Variants in GRIK4 observed in about 807,000 individuals in gnomAD.
The protein encoded by GRIK4 is glutamate ionotropic receptor kainate type subunit 4, also known as glutamate receptor ionotropic, kainate 4.
In GRIK4, 40 loss-of-function variants were observed where a neutral mutation model predicts 104.9. The observed-to-expected ratio is 0.38, with a 90% CI of 0.30 to 0.50. GRIK4 has a LOEUF of 0.50. Among genes scored for constraint, GRIK4 ranks in the 20% least tolerant of loss-of-function variants. GRIK4 has a pLI of 0.93. For synonymous variants in GRIK4, 485 were observed against 524.9 expected (o/e 0.92, Z 1.04); for missense variants, 1,047 against 1,308.1 (o/e 0.80, Z 3.08).
chr11:120,975,078 G>A (rs1944539017), intron 19 of GRIK4, among the ~76,000 whole-genome samples: 1 of 152,076 alleles, frequency 6.6e-6, no homozygotes, highest in Non-Finnish European at 1.5e-5. Context: ...TCACAATGAG[G>A]CTTCAAAGGA....
Position 120,967,447 on chromosome 11 carries a change from C to G in GRIK4, c.2395+124C>G. The G allele has an allele frequency of 9.7e-7, 1 of 1,035,998 alleles. No homozygotes were observed. The highest frequency in any genetic ancestry group is 1.4e-6 in the Non-Finnish European group (1 of 731,636). The allele number at this position is 1,035,998 out of a possible 1,614,324, so 64.2% of individuals were successfully genotyped here. ...CATTGAGAACGGCCTTGGAAGGAAC[C>G]TAGGTATAAAGTGGGCTGGCGGGGG... On this transcript the variant is annotated intron_variant, in intron 19 of 20. Coordinates refer to ENST00000527524, the MANE Select transcript of GRIK4 (RefSeq NM_014619.5). This position sits in a 1 kb window ranked among gnomAD's most constrained non-coding sequence, Gnocchi z 4.2.
intron 3 of GRIK4, among the ~76,000 whole-genome samples, chr11:120,779,760 C>G (rs1198228416): frequency 1.3e-5 from 2 of 152,242 alleles, no homozygotes; most frequent in African/African-American, 2.4e-5. Flanking sequence ...GCTTCTCACT[C>G]TCTCCTTGCC....
chr11:120,787,528 G>A (rs1952306135), intron 3 of GRIK4, among the ~76,000 whole-genome samples: 2 of 151,408 alleles, frequency 1.3e-5, no homozygotes, highest in South Asian at 4.2e-4. Context: ...GCAGTGGCAC[G>A]ATCTCGGCTC....
chr11:120,938,297 G>C (rs1249912042), intron 13 of GRIK4, among the ~76,000 whole-genome samples: 1 of 152,234 alleles, frequency 6.6e-6, no homozygotes, highest in Non-Finnish European at 1.5e-5. Context: ...TTGAATGCAA[G>C]TGTCAATTCA....
intron 12 of GRIK4, among the ~76,000 whole-genome samples, chr11:120,901,801 G>C (rs1181978078): frequency 6.6e-6 from 1 of 152,282 alleles, no homozygotes; most frequent in Admixed American, 6.5e-5. Flanking sequence ...AAGTCCACAG[G>C]GTCCTGTTGC....
chr11:120,816,006 C>T (rs879414371), intron 5 of GRIK4, among the ~76,000 whole-genome samples: 1 of 152,170 alleles, frequency 6.6e-6, no homozygotes, highest in Non-Finnish European at 1.5e-5. Context: ...TCACCAGTTC[C>T]AGTGTTTGCT....
At chr11:120,765,669 T>G (rs190441013) in intron 3 of GRIK4, among the ~76,000 whole-genome samples, 1 of 152,322 alleles carries the variant, frequency 6.6e-6, no homozygotes, top group East Asian at 1.9e-4. Context: ...TTGTTGATGT[T>G]GATGTTGTTG....
intron 1 of GRIK4, among the ~76,000 whole-genome samples, chr11:120,527,568 C>T (rs1038636602): frequency 2.6e-5 from 4 of 152,216 alleles, no homozygotes; most frequent in African/African-American, 7.2e-5. Context: ...CCCAGACACT[C>T]GCACCTGCAT....
intron 3 of GRIK4, among the ~76,000 whole-genome samples, chr11:120,668,212 C>T (rs180750606): frequency 4.1e-5 from 6 of 146,954 alleles, no homozygotes; most frequent in South Asian, 2.2e-4. Flanking sequence ...AGCAGACAGA[C>T]AGAGAAAGAG....
chr11:120,700,264 C>CTTTTTT (rs34617192), intron 3 of GRIK4, among the ~76,000 whole-genome samples: 2 of 118,246 alleles, frequency 1.7e-5, no homozygotes, highest in African/African-American at 3.3e-5. Context: ...TATATTACTA[C>CTTTTTT]TTTTTTTTTT....
At chr11:120,843,940 C>T (rs1953788124) in intron 8 of GRIK4, among the ~76,000 whole-genome samples, 1 of 152,124 alleles carries the variant, frequency 6.6e-6, no homozygotes, top group African/African-American at 2.4e-5. Flanking sequence ...TAGTCAGGTC[C>T]AAGTGAGCCC....
chr11:120,647,077 T>C (rs143148949), intron 1 of GRIK4, among the ~76,000 whole-genome samples: 6 of 152,292 alleles, frequency 3.9e-5, no homozygotes, highest in Admixed American at 3.9e-4. Context: ...AGCCTAACAT[T>C]TGGGGATGAG....
chr11:120,668,199 G>A (rs1005915114), intron 3 of GRIK4, among the ~76,000 whole-genome samples: 3 of 151,690 alleles, frequency 2.0e-5, no homozygotes. Context: ...AGGTAGGTAG[G>A]TAAGCAGACA....
In GRIK4 at chr11:120,844,908, G is replaced by T. The variant is rs894436805; in HGVS notation, c.744+8064G>T. On this transcript the variant is annotated intron_variant, in intron 8 of 20. Transcript: ENST00000527524. ...ATCACTGAGGCAGGGGAGGGCAGAAGAGTGCAAGGACAGTCAGGCTGATTG... is the reference window on the plus strand; with the variant it reads ...ATCACTGAGGCAGGGGAGGGCAGAATAGTGCAAGGACAGTCAGGCTGATTG... Among the ~76,000 whole-genome samples the T allele has an allele frequency of 4.6e-5, 7 of 152,336 alleles. No individual in the cohort carries two copies. In the South Asian group the frequency reaches 6.2e-4, roughly 14 times the overall value.
At chr11:120,878,542 C>T (rs1179843924) in intron 11 of GRIK4, among the ~76,000 whole-genome samples, 6 of 152,098 alleles carry the variant, frequency 3.9e-5, no homozygotes, top group East Asian at 1.9e-4. Context: ...CTTTGACCTT[C>T]GGCTACTCTA....
chr11:120,598,043 C>T (rs7105963), intron 1 of GRIK4, among the ~76,000 whole-genome samples: 54,687 of 152,052 alleles, frequency 0.36, 11,397 homozygotes, highest in African/African-American at 0.56. Context: ...CAGAGCCAAG[C>T]GGCTGTTTTA....
chr11:120,960,894 T>A lies in GRIK4; in HGVS notation c.1875-15T>A, dbSNP rs1209471835. 1 of 1,609,102 alleles carries A rather than the reference T, an allele frequency of 6.2e-7. No individual in the cohort carries two copies. Among genetic ancestry groups the A allele is most frequent in the Admixed American group, 1.7e-5 (1 of 59,318 alleles). On this transcript the variant is annotated splice_polypyrimidine_tract_variant and intron_variant, in intron 16 of 20. Coordinates refer to ENST00000527524, the MANE Select transcript of GRIK4 (RefSeq NM_014619.5). ...TGCCCGGGCAATGATGACTTCCTCGTCTTTTCCTACATAGGTGGGCATTCA... is the reference window on the plus strand; with the variant it reads ...TGCCCGGGCAATGATGACTTCCTCGACTTTTCCTACATAGGTGGGCATTCA...
intron 1 of GRIK4, among the ~76,000 whole-genome samples, chr11:120,537,914 C>T (rs749741121): frequency 2.6e-5 from 4 of 151,498 alleles, no homozygotes; most frequent in Non-Finnish European, 5.9e-5. Flanking sequence ...AGAGGATAGA[C>T]CTAGAGTGGA....
chr11:120,847,174 T>G (rs1478382924), intron 8 of GRIK4, among the ~76,000 whole-genome samples: 2 of 152,162 alleles, frequency 1.3e-5, no homozygotes, highest in Non-Finnish European at 2.9e-5. Flanking sequence ...TAAACAGAAC[T>G]GAAGAGGGAA....
Sources: allele counts gnomAD v4.1 joint callset (sites outside exome capture counted in the v4.1 genomes callset), GRCh38; gene constraint gnomAD v4.1.1; non-coding constraint Gnocchi (gnomAD v3.1); transcripts MANE v1.5; gene names NCBI Gene and HGNC (gene_info 2026-07-23, HGNC 2026-07-21).